Variants in ZDBF2 observed in about 807,000 individuals in gnomAD.
ZDBF2 encodes zinc finger DBF-type containing 2, also known as DBF4-type zinc finger-containing protein 2.
In ZDBF2, 6 loss-of-function variants were observed where a neutral mutation model predicts 9.4. The ratio of observed to expected loss-of-function variants is 0.64; its 90% CI spans 0.35 to 1.27. The LOEUF is 1.27. ZDBF2 is among the 50% of genes most tolerant of loss of function. The pLI is 0.03. For missense variants in ZDBF2, 2,697 were observed against 2,766.8 expected (o/e 0.97, Z 0.57); for synonymous variants, 905 against 946.3 (o/e 0.96, Z 0.80).
At chr2:206,291,163 A>T (rs1691873144) in intron 3 of ZDBF2, among the ~76,000 whole-genome samples, 2 of 152,164 alleles carry the variant, frequency 1.3e-5, no homozygotes. Flanking sequence ...GCGGTCCTCA[A>T]CCTTTTTGGC....
intron 3 of ZDBF2, among the ~76,000 whole-genome samples, chr2:206,283,063 C>T (rs932282223): frequency 1.3e-5 from 2 of 152,222 alleles, no homozygotes; most frequent in South Asian, 4.1e-4. Context: ...CTTTTTATGG[C>T]TGACAATGTT....
intron 3 of ZDBF2, among the ~76,000 whole-genome samples, chr2:206,290,581 C>T (rs775206458): frequency 5.3e-5 from 8 of 152,228 alleles, no homozygotes; most frequent in Middle Eastern, 6.8e-3. Context: ...TAAATTTATT[C>T]GTAAGCATTT....
In ZDBF2 at chr2:206,310,771, T is replaced by C. The variant is rs1371477512; in HGVS notation, c.6243T>C (p.Ile2081=). 2.1e-5 allele frequency: 34 copies of C among 1,613,848 alleles called. No homozygotes were observed. In the Admixed American group the frequency reaches 5.5e-4, roughly 26 times the overall value. The change falls in exon 5 of 5, where the codon ATT becomes ATC. Residue 2081 remains isoleucine (I), a synonymous_variant. Coordinates refer to ENST00000374423, the MANE Select transcript of ZDBF2 (RefSeq NM_020923.3). ...PEFERRNWVK[I]HFNRSNQNSS... Reference sequence around the variant, plus strand: ...TTGAGAGGCGTAACTGGGTTAAAATTCATTTTAATAGGAGCAACCAAAACT... The same window carrying C: ...TTGAGAGGCGTAACTGGGTTAAAATCCATTTTAATAGGAGCAACCAAAACT...
At chr2:206,284,483 T>A (rs1038885598) in intron 3 of ZDBF2, among the ~76,000 whole-genome samples, 1 of 152,186 alleles carries the variant, frequency 6.6e-6, no homozygotes, top group African/African-American at 2.4e-5. Flanking sequence ...AAATTTACAA[T>A]CAATTATTAT....
Position 206,307,232 on chromosome 2 carries a change from G to A in ZDBF2, c.2704G>A (p.Val902Ile), listed in dbSNP as rs1692852729. Reference protein sequence around the residue: ...KKLNPQKEEQVHLENKENEPI... With the variant: ...KKLNPQKEEQIHLENKENEPI... Reference sequence around the variant, plus strand: ...GCTAAATCCTCAAAAAGAAGAGCAGGTACACTTAGAAAATAAGGAAAATGA... The same window carrying A: ...GCTAAATCCTCAAAAAGAAGAGCAGATACACTTAGAAAATAAGGAAAATGA... Residue 902 changes from valine to isoleucine, a missense_variant, in exon 5 of 5, where the codon GTA becomes ATA. Transcript: ENST00000374423. The A allele has an allele frequency of 6.2e-7, 1 of 1,607,648 alleles. No individual in the cohort carries two copies. Among genetic ancestry groups the A allele is most frequent in the East Asian group, 2.2e-5 (1 of 44,850 alleles).
intron 3 of ZDBF2, among the ~76,000 whole-genome samples, chr2:206,293,653 T>C (rs1338953866): frequency 1.3e-5 from 2 of 152,176 alleles, no homozygotes; most frequent in Non-Finnish European, 2.9e-5. Context: ...GATATCCAGA[T>C]GGCTAGTAAA....
rs1323679677 is a variant in ZDBF2, at chr2:206,311,393, C to A, written c.6865C>A (p.Pro2289Thr). 37 of 1,607,324 alleles carry A rather than the reference C, an allele frequency of 2.3e-5. No homozygotes were observed. Among genetic ancestry groups the A allele is most frequent in the Non-Finnish European group, 3.1e-5 (36 of 1,177,040 alleles). ...AEELSSAMANPPPKRPVRASC... is the reference protein window; with the variant it reads ...AEELSSAMANTPPKRPVRASC... Reference sequence around the variant, plus strand: ...AGAGCTGTCAAGCGCTATGGCAAATCCTCCTCCAAAGCGACCTGTGCGGGC... The same window carrying A: ...AGAGCTGTCAAGCGCTATGGCAAATACTCCTCCAAAGCGACCTGTGCGGGC... The change falls in exon 5 of 5, where the codon CCT becomes ACT. Residue 2289 changes from proline to threonine, a missense_variant. Physicochemically the swap from Pro to Thr is conservative, Grantham distance 38 (BLOSUM62 -1). Around this residue, in one of 3 missense-constraint regions of ZDBF2, gnomAD observed 1,783 missense variants for 1,776.5 expected, o/e 1.00. Coordinates refer to ENST00000374423, the MANE Select transcript of ZDBF2 (RefSeq NM_020923.3).
At chr2:206,275,524 A>G (rs1334254981) in intron 1 of ZDBF2, among the ~76,000 whole-genome samples, 1 of 152,190 alleles carries the variant, frequency 6.6e-6, no homozygotes, top group Non-Finnish European at 1.5e-5. Flanking sequence ...GTGTTACGCC[A>G]TCGTTTTTAC....
chr2:206,287,266 C>T (rs1018674489), intron 3 of ZDBF2, among the ~76,000 whole-genome samples: 8 of 152,096 alleles, frequency 5.3e-5, no homozygotes, highest in South Asian at 2.1e-4. Context: ...CCTGGCCTAG[C>T]GGTGATGAAT....
At chr2:206,282,558 G>C (rs959977983) in intron 3 of ZDBF2, among the ~76,000 whole-genome samples, 12 of 152,112 alleles carry the variant, frequency 7.9e-5, no homozygotes, top group Non-Finnish European at 1.6e-4. Context: ...AGACATTGTA[G>C]GCTAAGGTAA....
At chr2:206,283,860 A>G (rs143284422) in intron 3 of ZDBF2, among the ~76,000 whole-genome samples, 1,721 of 152,230 alleles carry the variant, frequency 0.011, 36 homozygotes, top group African/African-American at 0.039. Flanking sequence ...ATGGGGTCTC[A>G]CTATATTTCC....
Position 206,308,608 on chromosome 2 carries a change from T to C in ZDBF2, c.4080T>C (p.Asn1360=). 1 of 1,613,346 alleles carries C rather than the reference T, an allele frequency of 6.2e-7. No individual in the cohort carries two copies. The highest frequency in any genetic ancestry group is 1.3e-5 in the African/African-American group (1 of 75,058). The stretch of plus-strand genomic sequence containing the variant: ...CCAGTCTGGAAGATAAGAGCAGTAA[T>C]TCTTATAGTCCTGAAGAAAGTTCTG... The part of the protein sequence containing the change: ...EHASLEDKSS[N]SYSPEESSDS... Residue 1360 remains asparagine (N), a synonymous_variant, in exon 5 of 5, where the codon AAT becomes AAC. Transcript: ENST00000374423.
Position 206,305,198 on chromosome 2 carries a change from G to T in ZDBF2, c.670G>T (p.Val224Phe). 1 of 1,613,826 alleles carries T rather than the reference G, an allele frequency of 6.2e-7. No individual in the cohort carries two copies. Among genetic ancestry groups the T allele is most frequent in the African/African-American group, 1.3e-5 (1 of 75,028 alleles). The change falls in exon 5 of 5, where the codon GTT becomes TTT. Residue 224 changes from valine to phenylalanine, a missense_variant. Physicochemically the swap from Val to Phe is conservative, Grantham distance 50. Transcript: ENST00000374423. ...AGTTAGCAAATGTGACCCAAACAAA[G>T]TTGAGAAATATCTTGAACAGCCAGA... ...DSVSKCDPNK[V>F]EKYLEQPDGA...
At position 206,308,878 on chromosome 2, in the gene ZDBF2, T is replaced by C. The variant is rs758531756; in HGVS notation, c.4350T>C (p.Cys1450=). The C allele has an allele frequency of 6.2e-7, 1 of 1,612,944 alleles. No individual in the cohort carries two copies. ...TAGAAAATAAGAACTGTGAAGTCTG[T>C]GGTTCTGAAATAAAATGTCATTCTT... The part of the protein sequence containing the change: ...NDLENKNCEV[C]GSEIKCHSCV... The change falls in exon 5 of 5, where the codon TGT becomes TGC. Residue 1450 remains cysteine, a synonymous_variant. Coordinates refer to ENST00000374423, the MANE Select transcript of ZDBF2 (RefSeq NM_020923.3).
chr2:206,286,951 G>A (rs142212283), intron 3 of ZDBF2, among the ~76,000 whole-genome samples: 10 of 152,232 alleles, frequency 6.6e-5, no homozygotes, highest in African/African-American at 1.4e-4. Context: ...TAAGTAGGTA[G>A]TAGATCCCTC....
intron 3 of ZDBF2, among the ~76,000 whole-genome samples, chr2:206,288,165 T>C (rs1278000364): frequency 6.6e-6 from 1 of 152,256 alleles, no homozygotes; most frequent in Admixed American, 6.5e-5. Flanking sequence ...CTGCATCTGG[T>C]GGAACAGTTA....
chr2:206,307,100 A>G lies in ZDBF2; in HGVS notation c.2572A>G (p.Ile858Val), dbSNP rs769097824. The G allele has an allele frequency of 6.2e-7, 1 of 1,611,984 alleles. No homozygotes were observed. The highest frequency in any genetic ancestry group is 8.5e-7 in the Non-Finnish European group (1 of 1,179,298). ...VKEVIQKEEY[I>V]HLERKNDEPS... The stretch of plus-strand genomic sequence containing the variant: ...AGAAGTAATTCAGAAAGAAGAGTAC[A>G]TTCACTTAGAAAGGAAGAATGATGA... The change falls in exon 5 of 5, where the codon ATT becomes GTT. Residue 858 changes from isoleucine to valine, a missense_variant. By Grantham distance (29) the Ile-to-Val change is conservative. Coordinates refer to ENST00000374423, the MANE Select transcript of ZDBF2 (RefSeq NM_020923.3).
chr2:206,281,621 A>G (rs552240860), intron 2 of ZDBF2, among the ~76,000 whole-genome samples, 180 bp from the exon 3 acceptor site: 1 of 152,356 alleles, frequency 6.6e-6, no homozygotes, highest in African/African-American at 2.4e-5. Flanking sequence ...CTGCTCTTTC[A>G]TAAGATACAT....
chr2:206,289,564 G>A (rs1407568662), intron 3 of ZDBF2, among the ~76,000 whole-genome samples: 3 of 152,174 alleles, frequency 2.0e-5, no homozygotes, highest in African/African-American at 4.8e-5. Context: ...GGATGATTCA[G>A]CAGTGGCTTA....
Sources: gnomAD v4.1 joint callset for allele counts (sites outside exome capture counted in the v4.1 genomes callset) on GRCh38, gnomAD v4.1.1 for gene constraint, gnomAD v4.1.1 regional missense constraint, MANE v1.5 for transcripts, NCBI Gene and HGNC (gene_info 2026-07-23, HGNC 2026-07-21) for gene names.